Variants in CDH17 observed in about 807,000 individuals in gnomAD.
The protein encoded by CDH17 is cadherin 17, also known as cadherin-17.
In CDH17, 67 loss-of-function variants were observed where a neutral mutation model predicts 86.3. The ratio of observed to expected loss-of-function variants is 0.78; its 90% confidence interval spans 0.64 to 0.95. The LOEUF (loss-of-function observed/expected upper bound fraction) is 0.95. Among genes scored for constraint, CDH17 ranks in the 40% least tolerant of loss-of-function variants. The probability of loss-of-function intolerance (pLI) is 0.00; values close to 1 mark genes in which losing one functional copy is unlikely to be tolerated. For missense variants in CDH17, 993 were observed against 1,017.6 expected (o/e 0.98, Z 0.33); for synonymous variants, 367 against 366.4 (o/e 1.00, Z -0.02).
In CDH17 at chr8:94,199,063, ATATATATATATATATATATATTT is replaced by A. The variant is rs1401093980; in HGVS notation, c.-20-4381_-20-4359del. ...GATATATATATATATATATATATAT[ATATATATATATATATATATATTT>A]TTTTTTTTTTATCATTTGTCTGTTA... On this transcript the variant is annotated intron_variant, in intron 1 of 17. Transcript: ENST00000027335. Among the ~76,000 whole-genome samples, 143 of 21,226 alleles carry A rather than the reference ATATATATATATATATATATATTT, an allele frequency of 6.7e-3. 1 individual carries two copies. The highest frequency in any genetic ancestry group is 0.038 in the Middle Eastern group (1 of 26). 13.9% of individuals were successfully genotyped at this position (21,226 alleles called of 152,430 possible).
Position 94,131,645 on chromosome 8 carries a change from T to G in CDH17, c.2168-653A>C, listed in dbSNP as rs577800484. 8.1e-3 allele frequency among the ~76,000 whole-genome samples: 1,231 copies of G among 152,238 alleles called. 18 individuals are homozygous for G. Among genetic ancestry groups the G allele is most frequent in the African/African-American group, 0.028 (1,182 of 41,532 alleles). The stretch of plus-strand genomic sequence containing the variant: ...AGCACTATAGTTCAAAGCCATTTTT[T>G]TTTTTATCATGGGTCATCTTTTAGG... On this transcript the variant is annotated intron_variant, in intron 15 of 17. Transcript: ENST00000027335.
At chr8:94,168,493 T>C (rs1813209670) in intron 9 of CDH17, among the ~76,000 whole-genome samples, 1 of 151,962 alleles carries the variant, frequency 6.6e-6, no homozygotes, top group Non-Finnish European at 1.5e-5. Flanking sequence ...CACCTACTCA[T>C]GTCCTATCAG....
intron 1 of CDH17, among the ~76,000 whole-genome samples, chr8:94,214,062 T>C (rs1332695236): frequency 6.6e-6 from 1 of 152,172 alleles, no homozygotes; most frequent in Non-Finnish European, 1.5e-5. Context: ...TCCAACTGAC[T>C]ATTCCACAAC....
At chr8:94,175,632 G>T (rs1395892288) in intron 5 of CDH17, among the ~76,000 whole-genome samples, 1 of 152,108 alleles carries the variant, frequency 6.6e-6, no homozygotes, top group African/African-American at 2.4e-5. Context: ...CTAGGTGCCT[G>T]CTGGACACAC....
In CDH17 at chr8:94,150,287, T is replaced by G. The variant is rs117183878; in HGVS notation, c.1797-1413A>C. 3.6e-3 allele frequency among the ~76,000 whole-genome samples: 550 copies of G among 152,238 alleles called. 26 individuals are homozygous for G. The East Asian group carries it at 0.088, about 24-fold the overall frequency. On this transcript the variant is annotated intron_variant, in intron 13 of 17. Coordinates refer to ENST00000027335, the MANE Select transcript of CDH17 (RefSeq NM_004063.4). Reference sequence around the variant, plus strand: ...CACTGACTGCAATTCAGTGAGTAGATTCAGAGTGGGGTGGGGGACGGCAGG... The same window carrying G: ...CACTGACTGCAATTCAGTGAGTAGAGTCAGAGTGGGGTGGGGGACGGCAGG...
chr8:94,201,867 T>A (rs1421461758), intron 1 of CDH17: 4 of 155,538 alleles, frequency 2.6e-5, no homozygotes, highest in African/African-American at 9.6e-5. Flanking sequence ...TTAACGGCAT[T>A]CATTTATTTT....
chr8:94,129,817 C>T (rs1195566645), intron 17 of CDH17, among the ~76,000 whole-genome samples: 2 of 152,158 alleles, frequency 1.3e-5, no homozygotes, highest in Admixed American at 1.3e-4. Context: ...TTGTTTCATA[C>T]ACAATATTAT....
chr8:94,186,939 G>A (rs1254878941), intron 3 of CDH17, among the ~76,000 whole-genome samples: 2 of 152,092 alleles, frequency 1.3e-5, no homozygotes, highest in Non-Finnish European at 2.9e-5. Flanking sequence ...TGGCCCACAT[G>A]CCAGCTGTCA....
chr8:94,135,136 T>C (rs938405313), intron 15 of CDH17, among the ~76,000 whole-genome samples: 6 of 152,212 alleles, frequency 3.9e-5, no homozygotes, highest in Non-Finnish European at 8.8e-5. Flanking sequence ...GTATATTCTG[T>C]TGATTTGGGG....
intron 1 of CDH17, among the ~76,000 whole-genome samples, chr8:94,195,583 T>C (rs778471027): frequency 6.6e-6 from 1 of 152,166 alleles, no homozygotes; most frequent in Non-Finnish European, 1.5e-5. Flanking sequence ...CTGTCCGATA[T>C]TATTTTTCCC....
rs369741964 is a variant in CDH17, at chr8:94,130,825, C to T, written c.2284+51G>A. The stretch of plus-strand genomic sequence containing the variant: ...TATCAAAGACAAGAATCTCCTCAAA[C>T]GGCCCATGGTGACAGATACTAGCCT... On this transcript the variant is annotated intron_variant, in intron 16 of 17. Transcript: ENST00000027335. 132 of 1,487,788 alleles carry T rather than the reference C, an allele frequency of 8.9e-5. No individual in the cohort carries two copies. The African/African-American group carries it at 1.2e-3, about 14-fold the overall frequency. 92.2% of individuals were successfully genotyped at this position (1,487,788 alleles called of 1,614,324 possible). A position where few individuals can be genotyped will look rare whatever the true frequency, so the allele number is the denominator to read the frequency against.
At chr8:94,171,544 C>T (rs903474061) in intron 7 of CDH17, among the ~76,000 whole-genome samples, 1 of 152,052 alleles carries the variant, frequency 6.6e-6, no homozygotes, top group African/African-American at 2.4e-5. Flanking sequence ...TGTAAACAAC[C>T]TGGCAAAAAT....
At chr8:94,137,807 T>C (rs1156811162) in intron 15 of CDH17, among the ~76,000 whole-genome samples, 1 of 152,234 alleles carries the variant, frequency 6.6e-6, no homozygotes, top group East Asian at 1.9e-4. Flanking sequence ...AAAGCTCCTG[T>C]AAGTACTGAC....
At chr8:94,187,675 G>A (rs1813608156) in intron 3 of CDH17, among the ~76,000 whole-genome samples, 1 of 151,824 alleles carries the variant, frequency 6.6e-6, no homozygotes, top group South Asian at 2.1e-4. Flanking sequence ...TGTCTCTGTG[G>A]CCTCCTCTCC....
chr8:94,170,362 C>A, intron 9 of CDH17, 35 bp downstream of exon 9: 1 of 1,602,544 alleles, frequency 6.2e-7, no homozygotes. Context: ...AAATGGAGGG[C>A]AGTTACACAG....
chr8:94,142,407 T>A (rs146682083), intron 15 of CDH17, among the ~76,000 whole-genome samples: 1 of 152,364 alleles, frequency 6.6e-6, no homozygotes, highest in East Asian at 1.9e-4. Context: ...TATCTGACCC[T>A]TCAATGAGTC....
At chr8:94,147,780 C>T (rs1349301881) in intron 14 of CDH17, among the ~76,000 whole-genome samples, 3 of 152,162 alleles carry the variant, frequency 2.0e-5, no homozygotes, top group Non-Finnish European at 4.4e-5. Context: ...TATATCAGCA[C>T]AACTAAAATA....
At chr8:94,162,631 A>G (rs1032953627) in intron 10 of CDH17, among the ~76,000 whole-genome samples, 2 of 152,192 alleles carry the variant, frequency 1.3e-5, no homozygotes, top group African/African-American at 2.4e-5. Context: ...GTGAGGTCCA[A>G]GGGCCTGCTC....
intron 14 of CDH17, 29 bp downstream of exon 14, chr8:94,148,711 CTTTT>C: frequency 1.5e-6 from 2 of 1,345,938 alleles, no homozygotes; most frequent in Admixed American, 3.1e-5. Flanking sequence ...ATCTGTGTTC[CTTTT>C]TTTTTGTTTT....
Sources: gnomAD v4.1 joint callset for allele counts (sites outside exome capture counted in the v4.1 genomes callset) on GRCh38, gnomAD v4.1.1 for gene constraint, MANE v1.5 for transcripts, NCBI Gene and HGNC (gene_info 2026-07-23, HGNC 2026-07-21) for gene names.